FYTTD1: variants seen among roughly 807,000 people sequenced by gnomAD.
The protein encoded by FYTTD1 is forty-two-three domain containing 1, also known as UAP56-interacting factor.
FYTTD1 carries 22 observed loss-of-function variants against 40.9 expected under a neutral mutation model. The observed-to-expected ratio is 0.54, with a 90% CI of 0.38 to 0.77. The LOEUF is 0.77. Ranked by LOEUF, FYTTD1 falls within the 30% of genes least tolerant of loss-of-function variation. FYTTD1 has a pLI of 0.00. For missense variants in FYTTD1, 351 were observed against 392.2 expected (o/e 0.90, Z 0.89); for synonymous variants, 140 against 137.9 (o/e 1.01, Z -0.10).
rs1320182654 is a variant in FYTTD1 at position 197,770,179 on chromosome 3, GAGACAA to G, written c.434_439del (p.Arg145_Gln146del). On this transcript the variant is annotated inframe_deletion, in exon 4 of 9. Coordinates refer to ENST00000241502, the MANE Select transcript of FYTTD1 (RefSeq NM_032288.7). ...TGTTAAAAAGGAAGGCAAACCTTCT[GAGACAA>G]AATGAAGGGCAGAGGAAACCAGTAG... The G allele has an allele frequency of 1.2e-6, 2 of 1,612,974 alleles. No individual in the cohort carries two copies. The highest frequency in any genetic ancestry group is 4.5e-5 in the East Asian group (2 of 44,858).
intron 5 of FYTTD1, among the ~76,000 whole-genome samples, chr3:197,773,928 C>A (rs1487987017): frequency 6.8e-6 from 1 of 146,556 alleles, no homozygotes; most frequent in Non-Finnish European, 1.5e-5. Context: ...GCAGCACTCA[C>A]GCACACGCCC....
intron 2 of FYTTD1, among the ~76,000 whole-genome samples, chr3:197,763,090 A>T (rs948118982): frequency 6.6e-6 from 1 of 152,190 alleles, no homozygotes; most frequent in African/African-American, 2.4e-5. Context: ...TTATTTTTTA[A>T]GTGAAATGGT....
At chr3:197,769,542 T>C (rs1208209797) in intron 3 of FYTTD1, among the ~76,000 whole-genome samples, 1 of 152,240 alleles carries the variant, frequency 6.6e-6, no homozygotes, top group Non-Finnish European at 1.5e-5. Context: ...TGATTAGGCT[T>C]TAATGATGGA....
intron 6 of FYTTD1, among the ~76,000 whole-genome samples, chr3:197,774,962 C>T (rs1729834106): frequency 6.6e-6 from 1 of 152,234 alleles, no homozygotes; most frequent in South Asian, 2.1e-4. Flanking sequence ...TTAATTTTCC[C>T]CAAAAACCTT....
Position 197,782,153 on chromosome 3 carries a change from C to T in FYTTD1, c.*244C>T, listed in dbSNP as rs1730046111. Reference sequence around the variant, plus strand: ...TGGTTGGCTCAGACAGAACAATCATCTGTTTGACTTCTTTGGTTCCTCATG... The same window carrying T: ...TGGTTGGCTCAGACAGAACAATCATTTGTTTGACTTCTTTGGTTCCTCATG... On this transcript the variant is annotated 3_prime_UTR_variant, in exon 9 of 9. Transcript: ENST00000241502. 2 of 295,676 alleles carry T rather than the reference C, an allele frequency of 6.8e-6. No individual in the cohort carries two copies. The highest frequency in any genetic ancestry group is 1.2e-5 in the Non-Finnish European group (2 of 161,892). The allele number at this position is 295,676 out of a possible 1,614,324, so 18.3% of individuals were successfully genotyped here.
At chr3:197,768,314 A>T (rs941960843) in intron 2 of FYTTD1, 125 bp from the exon 3 acceptor site, 9 of 664,000 alleles carry the variant, frequency 1.4e-5, no homozygotes, top group Non-Finnish European at 1.9e-5. Flanking sequence ...ATGTAATTTA[A>T]AAAACATAAA....
rs1444335596 is a variant in FYTTD1, at chr3:197,756,535, A to G, written c.213A>G (p.Arg71=). 7.4e-6 allele frequency: 12 copies of G among 1,613,796 alleles called. No individual in the cohort carries two copies. The highest frequency in any genetic ancestry group is 9.3e-6 in the Non-Finnish European group (11 of 1,179,790). The change falls in exon 2 of 9, where the codon CGA becomes CGG. Residue 71 remains arginine (R), a synonymous_variant. Transcript: ENST00000241502. ...SGAQQFRMRV[R]WGIQQNSGFG... is the part of the protein sequence containing the mutation. Reference sequence around the variant, plus strand: ...CCCAGCAATTCAGGATGAGAGTGCGATGGGGAATCCAACAGAATTCTGGTA... The same window carrying G: ...CCCAGCAATTCAGGATGAGAGTGCGGTGGGGAATCCAACAGAATTCTGGTA...
intron 2 of FYTTD1, among the ~76,000 whole-genome samples, chr3:197,767,181 C>T (rs1580457369): frequency 1.3e-5 from 2 of 152,190 alleles, no homozygotes; most frequent in East Asian, 1.9e-4. Flanking sequence ...CGCTCTTCGC[C>T]CAGGCTGAAG....
Position 197,787,304 on chromosome 3 carries a change from A to T in FYTTD1, c.*5395A>T, listed in dbSNP as rs1015871487. ...TTTTGTACTAAGACGAGGTTTCACC[A>T]TATTGGCCAGTCTAGTCTCAAACTC... On this transcript the variant is annotated 3_prime_UTR_variant, in exon 9 of 9. Coordinates refer to ENST00000241502, the MANE Select transcript of FYTTD1 (RefSeq NM_032288.7). 6.6e-6 allele frequency: 1 copy of T among 151,706 alleles called. No homozygotes were observed. Among genetic ancestry groups the T allele is most frequent in the Non-Finnish European group, 1.5e-5 (1 of 67,970 alleles). The allele number at this position is 151,706 out of a possible 1,614,324, so 9.4% of individuals were successfully genotyped here. A position where few individuals can be genotyped will look rare whatever the true frequency, so the allele number is the denominator to read the frequency against.
Position 197,784,251 on chromosome 3 carries a change from C to G in FYTTD1, c.*2342C>G, listed in dbSNP as rs1455004978. The G allele has an allele frequency of 6.6e-6, 1 of 152,300 alleles. No individual in the cohort carries two copies. Among genetic ancestry groups the G allele is most frequent in the Non-Finnish European group, 1.5e-5 (1 of 68,010 alleles). 9.4% of individuals were successfully genotyped at this position (152,300 alleles called of 1,614,324 possible). A position where few individuals can be genotyped will look rare whatever the true frequency, so the allele number is the denominator to read the frequency against. ...TGGAAAAGTTACATTTAGATCTATTCTGAAGCTGTTCATTTTTAACAAATA... is the reference window on the plus strand; with the variant it reads ...TGGAAAAGTTACATTTAGATCTATTGTGAAGCTGTTCATTTTTAACAAATA... On this transcript the variant is annotated 3_prime_UTR_variant, in exon 9 of 9. Transcript: ENST00000241502.
Position 197,781,891 on chromosome 3 carries a change from C to T in FYTTD1, c.939C>T (p.Arg313=), listed in dbSNP as rs752287762. ...TCACATACAACAAAGGGGGAAGCCG[C>T]TTTGTCACCGTGGGATAGGTCCCAT... ...ATLTYNKGGS[R]FVTVG Residue 313 remains arginine, a synonymous_variant, in exon 9 of 9, where the codon CGC becomes CGT. Transcript: ENST00000241502. The T allele has an allele frequency of 1.9e-6, 3 of 1,606,618 alleles. No homozygotes were observed. Among genetic ancestry groups the T allele is most frequent in the South Asian group, 1.1e-5 (1 of 89,722 alleles).
intron 2 of FYTTD1, among the ~76,000 whole-genome samples, chr3:197,761,147 G>C (rs1376988705): frequency 6.6e-6 from 1 of 151,472 alleles, no homozygotes; most frequent in Non-Finnish European, 1.5e-5. Flanking sequence ...GTATAGAGTT[G>C]TTCTTCAATA....
chr3:197,766,955 A>G (rs1729568064), intron 2 of FYTTD1, among the ~76,000 whole-genome samples: 1 of 152,236 alleles, frequency 6.6e-6, no homozygotes. Context: ...AAGACTAGAA[A>G]GACAGAATGT....
rs1287892675 is a variant in FYTTD1, at chr3:197,784,045, T to A, written c.*2136T>A. 6.6e-6 allele frequency: 1 copy of A among 152,634 alleles called. No homozygotes were observed. Among genetic ancestry groups the A allele is most frequent in the African/African-American group, 2.4e-5 (1 of 41,450 alleles). The allele number at this position is 152,634 out of a possible 1,614,324, so 9.5% of individuals were successfully genotyped here. A position where few individuals can be genotyped will look rare whatever the true frequency, so the allele number is the denominator to read the frequency against. ...TATGCTTTGTTGAAGGAAAATTTTC[T>A]TTATTGGAATGTGGTTGTAATCCTT... On this transcript the variant is annotated 3_prime_UTR_variant, in exon 9 of 9. Transcript: ENST00000241502.
At chr3:197,771,080 T>TGC (rs1441469101) in intron 4 of FYTTD1, among the ~76,000 whole-genome samples, 1 of 152,136 alleles carries the variant, frequency 6.6e-6, no homozygotes, top group Non-Finnish European at 1.5e-5. Context: ...GTGAGCTGGG[T>TGC]GCAGTGGCAT....
At chr3:197,753,618 C>T (rs965671711) in intron 1 of FYTTD1, among the ~76,000 whole-genome samples, 4 of 151,538 alleles carry the variant, frequency 2.6e-5, no homozygotes, top group Non-Finnish European at 5.9e-5. Flanking sequence ...AGAATCCTCT[C>T]GGCCATGGTA....
At chr3:197,770,962 T>G (rs1729699183) in intron 4 of FYTTD1, among the ~76,000 whole-genome samples, 1 of 152,268 alleles carries the variant, frequency 6.6e-6, no homozygotes. Flanking sequence ...ACAATGTATG[T>G]TATTTGTGGA....
At chr3:197,771,895 A>T (rs894068706) in intron 4 of FYTTD1, among the ~76,000 whole-genome samples, 1 of 151,738 alleles carries the variant, frequency 6.6e-6, no homozygotes, top group African/African-American at 2.4e-5. Flanking sequence ...GGAGTTCGAG[A>T]CCAGCCTGGC....
intron 2 of FYTTD1, among the ~76,000 whole-genome samples, chr3:197,760,887 T>A (rs770447877): frequency 6.7e-6 from 1 of 148,616 alleles, no homozygotes; most frequent in Non-Finnish European, 1.5e-5. Flanking sequence ...AGTGGTAGAA[T>A]GTATAGAGTT....
Sources: gnomAD v4.1 joint callset for allele counts (sites outside exome capture counted in the v4.1 genomes callset) on GRCh38, gnomAD v4.1.1 for gene constraint, MANE v1.5 for transcripts, NCBI Gene and HGNC (gene_info 2026-07-23, HGNC 2026-07-21) for gene names.